The following LIFR variants were observed in gnomAD, a reference collection of about 807,000 sequenced individuals.
LIFR encodes leukemia inhibitory factor receptor.
A neutral mutation model predicts 122.2 loss-of-function variants in LIFR; 84 were observed. The observed-to-expected ratio is 0.69, with a 90% CI of 0.58 to 0.82. The LOEUF is 0.82. Ranked by LOEUF, LIFR falls within the 40% of genes least tolerant of loss-of-function variation. The probability of loss-of-function intolerance (pLI) is 0.00; values close to 1 mark genes in which losing one functional copy is unlikely to be tolerated. For synonymous variants in LIFR, 422 were observed against 434.7 expected, an observed-to-expected ratio of 0.97 and a Z score of 0.36; for missense variants, 1,294 against 1,311.6, an observed-to-expected ratio of 0.99 and a Z score of 0.21.
intron 5 of LIFR, among the ~76,000 whole-genome samples, chr5:38,514,806 T>C (rs1745987594): frequency 6.6e-6 from 1 of 152,200 alleles, no homozygotes; most frequent in South Asian, 2.1e-4. Flanking sequence ...GTATAACTAC[T>C]ATTTACACAA....
intron 3 of LIFR, among the ~76,000 whole-genome samples, chr5:38,528,455 T>C (rs1294732976): frequency 2.0e-5 from 3 of 152,122 alleles, no homozygotes; most frequent in Non-Finnish European, 2.9e-5. Flanking sequence ...GTGGCTTTAT[T>C]TGGTGGCAGA....
In LIFR at chr5:38,482,180, A is replaced by G; in HGVS notation, c.2709T>C (p.Cys903=). 1 of 1,595,530 alleles carries G rather than the reference A, an allele frequency of 6.3e-7. No homozygotes were observed. ...SALKTLEMNP[C]TPNNVEVLET... ...CCAGAACCTCAACATTATTTGGGGT[A>G]CAAGGATTCATTTCCAATGTTTTAA... The change falls in exon 20 of 20, where the codon TGT becomes TGC. Residue 903 remains cysteine, a synonymous_variant. Coordinates refer to ENST00000453190, the MANE Select transcript of LIFR (RefSeq NM_001127671.2).
At chr5:38,579,702 A>G (rs1030845412) in intron 1 of LIFR, 1 of 152,242 alleles carries the variant, frequency 6.6e-6, no homozygotes, top group African/African-American at 2.4e-5. Context: ...TGTTATAGAC[A>G]AAATACTGCA....
At chr5:38,502,889 G>T (rs1745267702) in intron 10 of LIFR, 90 bp from the exon 11 acceptor site, 4 of 690,840 alleles carry the variant, frequency 5.8e-6, no homozygotes, top group Non-Finnish European at 8.6e-6. Context: ...ACTTTTTTTT[G>T]GTAAGAAAGC....
intron 5 of LIFR, among the ~76,000 whole-genome samples, chr5:38,513,223 T>A (rs1396579852): frequency 6.6e-6 from 1 of 152,236 alleles, no homozygotes; most frequent in East Asian, 1.9e-4. Context: ...GGAAAGCAGA[T>A]GGATAATGGT....
chr5:38,539,356 G>C (rs1747462490), intron 1 of LIFR, among the ~76,000 whole-genome samples: 1 of 151,986 alleles, frequency 6.6e-6, no homozygotes, highest in African/African-American at 2.4e-5. Context: ...TATCATACCA[G>C]GTATTATGGA....
chr5:38,593,147 G>A (rs6871054), intron 1 of LIFR, among the ~76,000 whole-genome samples: 71,171 of 151,784 alleles, frequency 0.47, 17,474 homozygotes, highest in African/African-American at 0.62. Context: ...AGGTTGCGGT[G>A]AGCCGAGGTC....
At chr5:38,548,801 T>C (rs1295264376) in intron 1 of LIFR, among the ~76,000 whole-genome samples, 1 of 152,088 alleles carries the variant, frequency 6.6e-6, no homozygotes, top group Admixed American at 6.5e-5. Context: ...CGACAAAGTA[T>C]TTCCCAGTGA....
upstream of LIFR, chr5:38,558,901 G>C (rs374635665): frequency 3.9e-5 from 6 of 152,220 alleles, no homozygotes; most frequent in East Asian, 1.9e-4. Context: ...GGAACACAAA[G>C]CCTGACCCTA....
upstream of LIFR, among the ~76,000 whole-genome samples, chr5:38,560,825 T>TGACCTCATA (rs1748809762): frequency 1.3e-5 from 2 of 152,100 alleles, no homozygotes; most frequent in Non-Finnish European, 2.9e-5. Flanking sequence ...CTTGAACTCC[T>TGACCTCATA]GACCTCATAA....
At chr5:38,513,445 C>T (rs997673695) in intron 5 of LIFR, among the ~76,000 whole-genome samples, 7 of 152,184 alleles carry the variant, frequency 4.6e-5, no homozygotes, top group East Asian at 3.9e-4. Flanking sequence ...TCCACACTAC[C>T]GAAGGACTAC....
In LIFR at chr5:38,490,178, C is replaced by A; in HGVS notation, c.2167+12G>T. ...CCTTGAGCTCTTATAAATAAGTACC[C>A]ATTTAACTTACCCAATTCTTCTATA... On this transcript the variant is annotated intron_variant, in intron 15 of 19. Transcript: ENST00000453190. 8.5e-7 allele frequency: 1 copy of A among 1,181,008 alleles called. No homozygotes were observed. Among genetic ancestry groups the A allele is most frequent in the Non-Finnish European group, 1.3e-6 (1 of 796,348 alleles). 73.2% of individuals were successfully genotyped at this position (1,181,008 alleles called of 1,614,324 possible). A position where few individuals can be genotyped will look rare whatever the true frequency, so the allele number is the denominator to read the frequency against.
intron 7 of LIFR, among the ~76,000 whole-genome samples, 195 bp from the exon 8 acceptor site, chr5:38,506,827 C>G (rs553639387): frequency 6.6e-6 from 1 of 152,254 alleles, no homozygotes; most frequent in South Asian, 2.1e-4. Flanking sequence ...TTAGAATTGA[C>G]AGATTAAAAT....
intron 18 of LIFR, 81 bp from the exon 19 acceptor site, chr5:38,482,748 T>C (rs903042698): frequency 1.8e-4 from 110 of 618,492 alleles, no homozygotes; most frequent in Non-Finnish European, 2.6e-4. Context: ...TAGGCTTATT[T>C]TGAAGTATTT....
At position 38,548,284 on chromosome 5, in the gene LIFR, C is replaced by T. The variant is rs185171701; in HGVS notation, c.-20+8050G>A. Among the ~76,000 whole-genome samples the T allele has an allele frequency of 3.3e-5, 5 of 152,302 alleles. No homozygotes were observed. The East Asian group carries it at 7.7e-4, about 23-fold the overall frequency. On this transcript the variant is annotated intron_variant, in intron 1 of 19. Coordinates refer to ENST00000453190, the MANE Select transcript of LIFR (RefSeq NM_001127671.2). ...CACACTTGTGTAATGTAAGTCATCACTAAATCATTCATGAATGTCAACGAA... is the reference window on the plus strand; with the variant it reads ...CACACTTGTGTAATGTAAGTCATCATTAAATCATTCATGAATGTCAACGAA...
At chr5:38,599,123 A>T (rs1366414606), upstream of LIFR, among the ~76,000 whole-genome samples, 1 of 152,198 alleles carries the variant, frequency 6.6e-6, no homozygotes, top group Non-Finnish European at 1.5e-5. Flanking sequence ...TAGAAAGAGC[A>T]TAACTTAGAA....
intron 6 of LIFR, among the ~76,000 whole-genome samples, chr5:38,511,438 G>T (rs1745797055): frequency 6.6e-6 from 1 of 151,312 alleles, no homozygotes; most frequent in Non-Finnish European, 1.5e-5. Flanking sequence ...GCCTCTAGGG[G>T]TCTGCTCTGT....
chr5:38,490,120 A>T, intron 15 of LIFR, 70 bp downstream of exon 15: 1 of 610,972 alleles, frequency 1.6e-6, no homozygotes, highest in Non-Finnish European at 2.9e-6. Flanking sequence ...ATTCAATCAT[A>T]CCATTGTTGC....
upstream of LIFR, among the ~76,000 whole-genome samples, chr5:38,561,566 G>A (rs1748840509): frequency 6.6e-6 from 1 of 152,152 alleles, no homozygotes; most frequent in African/African-American, 2.4e-5. Context: ...TCCCCTCTTA[G>A]AAGTTGTCTT....
Sources: gnomAD v4.1 joint callset for allele counts (sites outside exome capture counted in the v4.1 genomes callset) on GRCh38, gnomAD v4.1.1 for gene constraint, MANE v1.5 for transcripts, NCBI Gene and HGNC (gene_info 2026-07-23, HGNC 2026-07-21) for gene names.